ZNF18: variants seen among roughly 807,000 people sequenced by gnomAD.
ZNF18 encodes heart development-specific gene 1 protein.
In ZNF18, 42 loss-of-function variants were observed where a neutral mutation model predicts 58.1. The ratio of observed to expected loss-of-function variants is 0.72; its 90% CI spans 0.56 to 0.93. The LOEUF is 0.93. Among genes scored for constraint, ZNF18 ranks in the 40% least tolerant of loss-of-function variants. The pLI, the probability that ZNF18 is intolerant of heterozygous loss-of-function variation, is 0.00. For missense variants in ZNF18, 540 were observed against 644.2 expected, an observed-to-expected ratio of 0.84 and a Z score of 1.75; for synonymous variants, 231 against 239.8, an observed-to-expected ratio of 0.96 and a Z score of 0.34.
At chr17:11,985,743 G>C (rs1438376556) in intron 4 of ZNF18, among the ~76,000 whole-genome samples, 1 of 152,176 alleles carries the variant, frequency 6.6e-6, no homozygotes, top group Non-Finnish European at 1.5e-5. Context: ...GTGAAATAAA[G>C]CCCTTAGCAA....
At chr17:12,009,470 C>T in the ZNF18 span, among the ~76,000 whole-genome samples, 188 of 132,138 alleles carry the variant, frequency 1.4e-3, no homozygotes, top group Non-Finnish European at 1.7e-3. Context: ...TTTCTTTTTT[C>T]GAGACAGAGT....
intron 3 of ZNF18, 81 bp downstream of exon 3, chr17:11,990,893 C>T: frequency 6.9e-7 from 1 of 1,442,682 alleles, no homozygotes; most frequent in Non-Finnish European, 9.5e-7. Context: ...ATCTGAGCAG[C>T]ATACCATTTC....
At position 11,990,982 on chromosome 17, in the gene ZNF18, GCT is replaced by G; in HGVS notation, c.567_568del (p.Glu189AspfsTer70). 6.2e-7 allele frequency: 1 copy of G among 1,613,672 alleles called. No individual in the cohort carries two copies. Among genetic ancestry groups the G allele is most frequent in the Non-Finnish European group, 8.5e-7 (1 of 1,179,768 alleles). On this transcript the variant is annotated frameshift_variant, in exon 3 of 7. Transcript: ENST00000580306. LOFTEE classifies it high-confidence loss of function. The stretch of plus-strand genomic sequence containing the variant: ...CACAGCACCATCCTCACCTAGTTCT[GCT>G]TCTGTGTCAGATTCCTCTTTCACGA...
At chr17:12,008,945 C>G in the ZNF18 span, among the ~76,000 whole-genome samples, 1 of 152,154 alleles carries the variant, frequency 6.6e-6, no homozygotes, top group Non-Finnish European at 1.5e-5. Context: ...ATTTAGATAC[C>G]ATGGTCCAAA....
At chr17:12,021,418 C>T in the ZNF18 span, 4 of 152,014 alleles carry the variant, frequency 2.6e-5, no homozygotes, top group Admixed American at 2.0e-4. Flanking sequence ...TCCCTGACGC[C>T]GCTCAGGTAG....
Position 11,990,556 on chromosome 17 carries a change from G to A in ZNF18, c.578-6C>T, listed in dbSNP as rs577376603. The A allele has an allele frequency of 1.3e-5, 21 of 1,605,902 alleles. No individual in the cohort carries two copies. In the Admixed American group the frequency reaches 2.4e-4, roughly 18 times the overall value. ...AGGCTGGGAGGCAGCCAGGGCTGAA[G>A]TGAGGAGAGGAAGTTTTCAGAATCT... On this transcript the variant is annotated splice_polypyrimidine_tract_variant and splice_region_variant and intron_variant, in intron 3 of 6. Coordinates refer to ENST00000580306, the MANE Select transcript of ZNF18 (RefSeq NM_001303281.2).
intron 2 of ZNF18, among the ~76,000 whole-genome samples, chr17:11,991,467 C>T (rs1382896955): frequency 1.3e-5 from 2 of 152,202 alleles, no homozygotes; most frequent in Non-Finnish European, 2.9e-5. Context: ...ACATTCTAGT[C>T]TAAAGGTGGA....
At position 11,978,427 on chromosome 17, in the gene ZNF18, A is replaced by AG; in HGVS notation, c.1179dup (p.Ser394LeufsTer26). 6.5e-7 allele frequency: 1 copy of AG among 1,549,484 alleles called. No homozygotes were observed. The highest frequency in any genetic ancestry group is 1.3e-5 in the South Asian group (1 of 78,392). On this transcript the variant is annotated frameshift_variant, in exon 7 of 7. Coordinates refer to ENST00000580306, the MANE Select transcript of ZNF18 (RefSeq NM_001303281.2). LOFTEE classifies it high-confidence loss of function. The stretch of plus-strand genomic sequence containing the variant: ...GGGGCTCTTGGCTGCCCCTTCTGGG[A>AG]GGTCTCTCTCTTCTCCTCAAGCCAC...
chr17:11,981,865 A>G (rs1434183572), intron 6 of ZNF18, among the ~76,000 whole-genome samples: 1 of 152,120 alleles, frequency 6.6e-6, no homozygotes. Context: ...TATAAGTTCT[A>G]TGGACTAAAC....
At chr17:11,989,772 G>C (rs149445642) in intron 4 of ZNF18, among the ~76,000 whole-genome samples, 2 of 151,592 alleles carry the variant, frequency 1.3e-5, no homozygotes, top group African/African-American at 2.4e-5. Flanking sequence ...TGAACTTGAA[G>C]ACAAACAGAA....
chr17:11,988,624 A>G (rs1967901891), intron 4 of ZNF18, among the ~76,000 whole-genome samples: 1 of 152,198 alleles, frequency 6.6e-6, no homozygotes, highest in Non-Finnish European at 1.5e-5. Flanking sequence ...AACCTGGTAT[A>G]TGAAGGGGCA....
At chr17:12,013,132 A>G in the ZNF18 span, among the ~76,000 whole-genome samples, 14 of 151,954 alleles carry the variant, frequency 9.2e-5, no homozygotes, top group African/African-American at 3.4e-4. Flanking sequence ...TTGTGTTTTT[A>G]GTAGAAATGG....
intron 5 of ZNF18, among the ~76,000 whole-genome samples, chr17:11,983,903 G>A (rs1263388932): frequency 6.6e-6 from 1 of 152,182 alleles, no homozygotes; most frequent in Non-Finnish European, 1.5e-5. Flanking sequence ...CCCACAAACA[G>A]TTCCTGGCAC....
In ZNF18 at chr17:11,978,639, G is replaced by T; in HGVS notation, c.968C>A (p.Ala323Asp). ...CQASGEVPSQASLRGFFTEDE... is the reference protein window; with the variant it reads ...CQASGEVPSQDSLRGFFTEDE... The stretch of plus-strand genomic sequence containing the variant: ...CTCAGTGAAGAAGCCCCTCAAGGAA[G>T]CCTGAGAAGGAACCTCTCCTGAAGC... The change falls in exon 7 of 7, where the codon GCT becomes GAT. Residue 323 changes from alanine to aspartate, a missense_variant. Physicochemically the swap from Ala to Asp is moderately radical, Grantham distance 126. Transcript: ENST00000580306. 6.2e-7 allele frequency: 1 copy of T among 1,613,900 alleles called. No homozygotes were observed.
intron 5 of ZNF18, 140 bp from the exon 6 acceptor site, chr17:11,983,547 T>C (rs17613212): frequency 0.49 from 304,566 of 625,518 alleles, 75,012 homozygotes; most frequent in Middle Eastern, 0.55. Context: ...CTTAGAACAG[T>C]GTGTGGAGCT....
chr17:12,001,171 A>C (rs1485954969), upstream of ZNF18, among the ~76,000 whole-genome samples: 6 of 152,324 alleles, frequency 3.9e-5, no homozygotes, highest in Admixed American at 3.9e-4. Context: ...TCCACTAAAG[A>C]GGAGCTTAAA....
chr17:11,978,048 T>C lies in ZNF18; in HGVS notation c.1559A>G (p.Tyr520Cys). The C allele has an allele frequency of 1.2e-6, 2 of 1,613,550 alleles. No homozygotes were observed. Among genetic ancestry groups the C allele is most frequent in the South Asian group, 1.1e-5 (1 of 91,036 alleles). The change falls in exon 7 of 7, where the codon TAT becomes TGT. Residue 520 changes from tyrosine (Y) to cysteine (C), a missense_variant. By Grantham distance (194) the Tyr-to-Cys change is radical (BLOSUM62 -2). Transcript: ENST00000580306. The part of the protein sequence containing the change: ...HQRVHTGEKP[Y>C]KCSHCGKSFS... ...ACTTTTCCCACAGTGCGAACATTTA[T>C]AAGGTTTCTCTCCAGTGTGAACCCT...
At chr17:11,987,761 A>C (rs1026854386) in intron 4 of ZNF18, among the ~76,000 whole-genome samples, 16 of 152,210 alleles carry the variant, frequency 1.1e-4, no homozygotes, top group Non-Finnish European at 2.9e-5. Context: ...CATCTTGCTT[A>C]ACAATTTGGT....
At chr17:12,020,494 A>G in the ZNF18 span, among the ~76,000 whole-genome samples, 1 of 152,120 alleles carries the variant, frequency 6.6e-6, no homozygotes, top group Non-Finnish European at 1.5e-5. Flanking sequence ...TTTCAGCTTT[A>G]CTATTCTGAT....
Sources: gnomAD v4.1 joint callset for allele counts (sites outside exome capture counted in the v4.1 genomes callset) on GRCh38, gnomAD v4.1.1 for gene constraint, MANE v1.5 for transcripts, NCBI Gene and HGNC (gene_info 2026-07-23, HGNC 2026-07-21) for gene names.